NHSL1: variants seen among roughly 807,000 people sequenced by gnomAD.
NHSL1 encodes NHS-like protein 1.
Under a neutral mutation model 95.0 loss-of-function variants are expected in NHSL1, and 48 were observed. That is an observed-to-expected ratio of 0.51 (90% CI 0.40 to 0.64). The LOEUF is 0.64. Among genes scored for constraint, NHSL1 ranks in the 30% least tolerant of loss-of-function variants. The probability of loss-of-function intolerance (pLI) is 0.00; values close to 1 mark genes in which losing one functional copy is unlikely to be tolerated. For synonymous variants in NHSL1, 783 were observed against 833.9 expected (o/e 0.94, Z 1.05); for missense variants, 1,971 against 2,077.7 (o/e 0.95, Z 1.00).
At chr6:138,534,103 C>T (rs1288791052) in intron 1 of NHSL1, among the ~76,000 whole-genome samples, 3 of 152,146 alleles carry the variant, frequency 2.0e-5, no homozygotes, top group East Asian at 3.9e-4. Flanking sequence ...TAATAGCCTG[C>T]GTATTTTCAG....
At chr6:138,534,484 T>C (rs1687088658) in intron 1 of NHSL1, among the ~76,000 whole-genome samples, 1 of 152,168 alleles carries the variant, frequency 6.6e-6, no homozygotes, top group South Asian at 2.1e-4. Context: ...ATACCCTGTA[T>C]TTACCAGCAG....
At chr6:138,686,702 G>C (rs1785589069) in intron 1 of NHSL1, among the ~76,000 whole-genome samples, 1 of 152,154 alleles carries the variant, frequency 6.6e-6, no homozygotes, top group African/African-American at 2.4e-5. Context: ...CTCAAAATCT[G>C]TGTTAGAAAA....
At chr6:138,620,864 C>G (rs1285834336) in intron 1 of NHSL1, among the ~76,000 whole-genome samples, 1 of 152,194 alleles carries the variant, frequency 6.6e-6, no homozygotes, top group Non-Finnish European at 1.5e-5. Context: ...AGCCAGTCTT[C>G]GGTCTTCAAA....
intron 1 of NHSL1, among the ~76,000 whole-genome samples, chr6:138,600,862 T>A (rs370266506): frequency 1.3e-5 from 2 of 152,218 alleles, no homozygotes; most frequent in South Asian, 2.1e-4. Flanking sequence ...CCCACAAAAA[T>A]GGCCACTTCA....
At chr6:138,456,683 G>A (rs986075254) in intron 3 of NHSL1, among the ~76,000 whole-genome samples, 1 of 152,104 alleles carries the variant, frequency 6.6e-6, no homozygotes, top group African/African-American at 2.4e-5. Flanking sequence ...AATGGCAGGT[G>A]GAAAAATTCC....
At position 138,692,513 on chromosome 6, in the gene NHSL1, G is replaced by C; in HGVS notation, c.60C>G (p.Ala20=). ...GGCGGTGGTCCAGGCGCGCAGCGGC[G>C]GCTTGCAGGGCGTCGAGGCGGCGGT... is the stretch of plus-strand genomic sequence containing the variant. The change falls in exon 1 of 4, where the codon GCC becomes GCG. Residue 20 remains alanine (A), a synonymous_variant. Coordinates refer to the NHSL1 transcript ENST00000491526. The surrounding 1 kb of genome is among the most constrained non-coding windows in gnomAD (Gnocchi z 4.0). 1 of 198,432 alleles carries C rather than the reference G, an allele frequency of 5.0e-6. No homozygotes were observed. Among genetic ancestry groups the C allele is most frequent in the South Asian group, 7.7e-5 (1 of 12,964 alleles). The allele number at this position is 198,432 out of a possible 1,614,324, so 12.3% of individuals were successfully genotyped here. A position where few individuals can be genotyped will look rare whatever the true frequency, so the allele number is the denominator to read the frequency against.
At chr6:138,648,352 G>GAAA (rs58429767) in intron 1 of NHSL1, among the ~76,000 whole-genome samples, 3,797 of 133,964 alleles carry the variant, frequency 0.028, 170 homozygotes, top group African/African-American at 0.095. Context: ...TACGGACACT[G>GAAA]AAAAAAAAAA....
intron 2 of NHSL1, among the ~76,000 whole-genome samples, chr6:138,485,446 T>C (rs1202814713): frequency 1.7e-5 from 2 of 115,540 alleles, no homozygotes; most frequent in Non-Finnish European, 3.6e-5. Context: ...TGCTTACCGT[T>C]AAAAAAAAAA....
intron 1 of NHSL1, among the ~76,000 whole-genome samples, chr6:138,517,010 A>G (rs1583341913): frequency 1.3e-5 from 2 of 152,244 alleles, no homozygotes; most frequent in Admixed American, 1.3e-4. Flanking sequence ...TAAATTTTAA[A>G]AATAGACAAA....
At chr6:138,650,737 A>G in intron 1 of NHSL1, 1 of 546,236 alleles carries the variant, frequency 1.8e-6, no homozygotes, top group Non-Finnish European at 3.7e-6. Flanking sequence ...ATTATCCCAT[A>G]GGAGGTCTCC....
rs930610224 is a variant in NHSL1 at position 138,499,402 on chromosome 6, C to G, written c.-112G>C. ...TACAGATTCTAACTTTTTCTTCCCCCGGTCTCATATCCTTAGACATCTGCC... is the reference window on the plus strand; with the variant it reads ...TACAGATTCTAACTTTTTCTTCCCCGGGTCTCATATCCTTAGACATCTGCC... On this transcript the variant is annotated 5_prime_UTR_variant, in exon 1 of 8. Coordinates refer to ENST00000343505, the MANE Select transcript of NHSL1 (RefSeq NM_001144060.2). 4.0e-6 allele frequency: 6 copies of G among 1,487,254 alleles called. No homozygotes were observed. Among genetic ancestry groups the G allele is most frequent in the East Asian group, 2.5e-5 (1 of 39,224 alleles). The allele number at this position is 1,487,254 out of a possible 1,614,324, so 92.1% of individuals were successfully genotyped here. A position where few individuals can be genotyped will look rare whatever the true frequency, so the allele number is the denominator to read the frequency against.
At chr6:138,445,222 T>A (rs1776787700) in intron 4 of NHSL1, among the ~76,000 whole-genome samples, 3 of 152,218 alleles carry the variant, frequency 2.0e-5, no homozygotes, top group Admixed American at 2.0e-4. Context: ...GATTGTCATA[T>A]TTCATTGCAC....
chr6:138,551,802 T>C (rs192932770), intron 1 of NHSL1, among the ~76,000 whole-genome samples: 4 of 152,160 alleles, frequency 2.6e-5, no homozygotes, highest in African/African-American at 9.7e-5. Context: ...CAGGGGAATA[T>C]GGAACGCGGG....
At chr6:138,565,466 G>T (rs988484730) in intron 1 of NHSL1, among the ~76,000 whole-genome samples, 5 of 151,856 alleles carry the variant, frequency 3.3e-5, no homozygotes, top group African/African-American at 1.2e-4. Context: ...ATGGATCAAA[G>T]GGGAACAAGA....
At position 138,456,972 on chromosome 6, in the gene NHSL1, C is replaced by T. The variant is rs530554852; in HGVS notation, c.340-9779G>A. ...GATCTCAGCTCACTGCAACCTCCAC[C>T]TCCCAGATTCAAGCAATTCTCCTGC... On this transcript the variant is annotated intron_variant, in intron 3 of 7. Coordinates refer to ENST00000343505, the MANE Select transcript of NHSL1 (RefSeq NM_001144060.2). Among the ~76,000 whole-genome samples, 79 of 152,100 alleles carry T rather than the reference C, an allele frequency of 5.2e-4. 1 individual carries two copies. In the South Asian group the frequency reaches 0.015, roughly 29 times the overall value.
At chr6:138,692,841 A>G, upstream of NHSL1, among the ~76,000 whole-genome samples, 1 of 148,970 alleles carries the variant, frequency 6.7e-6, no homozygotes, top group East Asian at 2.0e-4. This position sits in a 1 kb window ranked among gnomAD's most constrained non-coding sequence, Gnocchi z 4.0. Flanking sequence ...CATCCAACAC[A>G]AAGGAAGTCC....
intron 1 of NHSL1, among the ~76,000 whole-genome samples, chr6:138,593,621 A>G (rs558827047): frequency 1.3e-5 from 2 of 152,230 alleles, no homozygotes; most frequent in Admixed American, 6.5e-5. Context: ...TCATTAGGAG[A>G]TGAAAAGTGA....
chr6:138,523,637 A>AAAAAAAAAAAAAAAAC (rs1781778154), intron 1 of NHSL1, among the ~76,000 whole-genome samples: 1 of 138,432 alleles, frequency 7.2e-6, no homozygotes, highest in Non-Finnish European at 1.5e-5. Flanking sequence ...GAAAAAAAAA[A>AAAAAAAAAAAAAAAAC]AAAAAAAAAA....
At chr6:138,441,881 G>T in intron 5 of NHSL1, 102 bp downstream of exon 5, 4 of 1,145,884 alleles carry the variant, frequency 3.5e-6, no homozygotes, top group South Asian at 2.2e-5. Flanking sequence ...GCACCAAACG[G>T]CTATCAGAAT....
Sources: allele counts gnomAD v4.1 joint callset (sites outside exome capture counted in the v4.1 genomes callset), GRCh38; gene constraint gnomAD v4.1.1; non-coding constraint Gnocchi (gnomAD v3.1); transcripts MANE v1.5; gene names NCBI Gene and HGNC (gene_info 2026-07-23, HGNC 2026-07-21).